Variants in SLC25A16 observed in about 807,000 individuals in gnomAD.
SLC25A16 encodes the protein solute carrier family 25 member 16.
SLC25A16 carries 39 observed loss-of-function variants against 41.5 expected under a neutral mutation model. The ratio of observed to expected loss-of-function variants is 0.94; its 90% confidence interval spans 0.73 to 1.23. SLC25A16 has a LOEUF of 1.23. SLC25A16 is among the 50% of genes most tolerant of loss of function. SLC25A16 has a pLI of 0.00. For missense variants in SLC25A16, 421 were observed against 426.9 expected, an observed-to-expected ratio of 0.99 and a Z score of 0.12; for synonymous variants, 146 against 147.8, an observed-to-expected ratio of 0.99 and a Z score of 0.09.
At chr10:68,525,510 G>A (rs1284050558) in intron 1 of SLC25A16, among the ~76,000 whole-genome samples, 3 of 152,136 alleles carry the variant, frequency 2.0e-5, no homozygotes, top group Non-Finnish European at 4.4e-5. Context: ...CTGGAGGGTA[G>A]TGGTGTGATC....
At chr10:68,505,777 G>A (rs1427877924) in intron 3 of SLC25A16, among the ~76,000 whole-genome samples, 4 of 152,174 alleles carry the variant, frequency 2.6e-5, no homozygotes, top group African/African-American at 9.7e-5. Flanking sequence ...GCTCAAGCCT[G>A]TAATCCCAGC....
intron 6 of SLC25A16, among the ~76,000 whole-genome samples, chr10:68,490,204 A>G (rs1224821026): frequency 6.6e-6 from 1 of 152,036 alleles, no homozygotes; most frequent in Non-Finnish European, 1.5e-5. Context: ...TCAAGGCTGC[A>G]GTGAGCCACA....
rs186497686 is a variant in SLC25A16, at chr10:68,521,519, C to T, written c.131-4676G>A. On this transcript the variant is annotated intron_variant, in intron 1 of 8. Coordinates refer to ENST00000609923, the MANE Select transcript of SLC25A16 (RefSeq NM_152707.4). ...ACCCAGCCTGGGTGACAAAGCAAGACTCCATCTCAATAAATAAAAAATAAA... is the reference window on the plus strand; with the variant it reads ...ACCCAGCCTGGGTGACAAAGCAAGATTCCATCTCAATAAATAAAAAATAAA... Among the ~76,000 whole-genome samples, 12 of 151,412 alleles carry T rather than the reference C, an allele frequency of 7.9e-5. No individual in the cohort carries two copies. In the East Asian group the frequency reaches 2.3e-3, roughly 30 times the overall value.
chr10:68,516,404 A>T (rs2053162128), intron 2 of SLC25A16, among the ~76,000 whole-genome samples: 1 of 152,160 alleles, frequency 6.6e-6, no homozygotes, highest in African/African-American at 2.4e-5. Flanking sequence ...GGAAGGTAAA[A>T]AAAAAACACC....
intron 6 of SLC25A16, among the ~76,000 whole-genome samples, chr10:68,492,795 T>C (rs2052681605): frequency 1.3e-5 from 2 of 152,216 alleles, no homozygotes; most frequent in Non-Finnish European, 2.9e-5. Context: ...ATTTGCCATG[T>C]CTTCATTATT....
chr10:68,503,743 C>T, intron 3 of SLC25A16, 48 bp from the exon 4 acceptor site: 1 of 1,099,230 alleles, frequency 9.1e-7, no homozygotes, highest in Non-Finnish European at 1.4e-6. Flanking sequence ...TTAAATGCTG[C>T]CCATTTCACT....
intron 3 of SLC25A16, among the ~76,000 whole-genome samples, 183 bp downstream of exon 3, chr10:68,506,402 C>T (rs962692591): frequency 5.3e-5 from 8 of 151,516 alleles, no homozygotes; most frequent in African/African-American, 7.3e-5. Context: ...CTTTCAAAAT[C>T]GTGCCACTGT....
chr10:68,506,539 C>T lies in SLC25A16; in HGVS notation c.357+46G>A, dbSNP rs773387918. 4 of 1,388,024 alleles carry T rather than the reference C, an allele frequency of 2.9e-6. No individual in the cohort carries two copies. In the African/African-American group the frequency reaches 4.4e-5, roughly 15 times the overall value. 86.0% of individuals were successfully genotyped at this position (1,388,024 alleles called of 1,614,324 possible). On this transcript the variant is annotated intron_variant, in intron 3 of 8. Transcript: ENST00000609923. ...CAAAGCAAATGCCTGGTCAAGCATG[C>T]ATGATATTCAAGAACGCAAAAGAGA...
intron 4 of SLC25A16, among the ~76,000 whole-genome samples, chr10:68,500,701 C>G (rs1456312311): frequency 6.6e-6 from 1 of 151,390 alleles, no homozygotes; most frequent in East Asian, 2.0e-4. Context: ...GAGGCCAAGG[C>G]AGGTAGATCA....
Position 68,516,781 on chromosome 10 carries a change from G to C in SLC25A16, c.193C>G (p.Gln65Glu), listed in dbSNP as rs1482244062. The change falls in exon 2 of 9, where the codon CAA (glutamine) becomes GAA (glutamate). Residue 65 changes from glutamine to glutamate, a missense_variant. By Grantham distance (29) the Gln-to-Glu change is conservative (BLOSUM62 2). Coordinates refer to ENST00000609923, the MANE Select transcript of SLC25A16 (RefSeq NM_152707.4). ...APLDRVKVLL[Q>E]AHNHHYKHLG... is the part of the protein sequence containing the mutation. Reference sequence around the variant, plus strand: ...TGCTTGTAATGGTGATTGTGAGCTTGTAATAAAACCTTTACTCGATCCAAT... The same window carrying C: ...TGCTTGTAATGGTGATTGTGAGCTTCTAATAAAACCTTTACTCGATCCAAT... The C allele has an allele frequency of 2.5e-6, 4 of 1,611,560 alleles. No homozygotes were observed. In the Admixed American group the frequency reaches 6.7e-5, roughly 27 times the overall value.
At chr10:68,512,702 G>A (rs1378241542) in intron 2 of SLC25A16, among the ~76,000 whole-genome samples, 1 of 149,392 alleles carries the variant, frequency 6.7e-6, no homozygotes, top group Non-Finnish European at 1.5e-5. Flanking sequence ...GAAGATAGTT[G>A]CAATTTTTCT....
chr10:68,483,422 T>C lies in SLC25A16; in HGVS notation c.*10A>G, dbSNP rs150740752. On this transcript the variant is annotated 3_prime_UTR_variant, in exon 9 of 9. Coordinates refer to ENST00000609923, the MANE Select transcript of SLC25A16 (RefSeq NM_152707.4). ...AGAATGTATTAAGAAAAACCAACCA[T>C]AATTTTTTTTTAGTTGAGGTGAAAA... 4.4e-5 allele frequency: 68 copies of C among 1,553,836 alleles called. No homozygotes were observed. In the African/African-American group the frequency reaches 7.5e-4, roughly 17 times the overall value.
rs1170505024 is a variant in SLC25A16, at chr10:68,488,511, G to A, written c.729C>T (p.Asn243=). The A allele has an allele frequency of 3.2e-6, 5 of 1,578,200 alleles. No individual in the cohort carries two copies. The highest frequency in any genetic ancestry group is 4.3e-6 in the Non-Finnish European group (5 of 1,170,582). ...CTCCAGCAACACCACCACAAAGTAA[G>A]TTTACATGAGTTTTCAAAACTAAGA... is the stretch of plus-strand genomic sequence containing the variant. ...PNVLVLKTHV[N]LLCGGVAGAI... The change falls in exon 7 of 9, where the codon AAC becomes AAT. Residue 243 remains asparagine (N), a synonymous_variant. Coordinates refer to ENST00000609923, the MANE Select transcript of SLC25A16 (RefSeq NM_152707.4).
chr10:68,514,194 C>T (rs1204624166), intron 2 of SLC25A16, among the ~76,000 whole-genome samples: 1 of 151,886 alleles, frequency 6.6e-6, no homozygotes, highest in Non-Finnish European at 1.5e-5. Context: ...GACTTTGTCT[C>T]AAAAAATAGT....
intron 2 of SLC25A16, among the ~76,000 whole-genome samples, chr10:68,510,138 G>A (rs1021556848): frequency 6.6e-6 from 1 of 152,048 alleles, no homozygotes; most frequent in Non-Finnish European, 1.5e-5. Flanking sequence ...TTGATGCCTT[G>A]GAAGTAATGT....
chr10:68,508,792 T>A (rs1375887991), intron 2 of SLC25A16, among the ~76,000 whole-genome samples: 2 of 152,098 alleles, frequency 1.3e-5, no homozygotes, highest in Non-Finnish European at 2.9e-5. Context: ...TTTAATTTGA[T>A]CCAAAAGTGT....
chr10:68,502,376 T>TCTTGGATGATTTTTTTA (rs2052863978), intron 4 of SLC25A16, among the ~76,000 whole-genome samples: 2 of 151,920 alleles, frequency 1.3e-5, no homozygotes, highest in Admixed American at 1.3e-4. Flanking sequence ...TGATTTTTTT[T>TCTTGGATGATTTTTTTA]AAAAAATCAT....
chr10:68,510,452 G>C (rs1369281879), intron 2 of SLC25A16, among the ~76,000 whole-genome samples: 1 of 152,118 alleles, frequency 6.6e-6, no homozygotes, highest in Non-Finnish European at 1.5e-5. Flanking sequence ...TGAGGCAGGA[G>C]AATTGCTTTA....
intron 2 of SLC25A16, among the ~76,000 whole-genome samples, chr10:68,512,626 G>A (rs572087193): frequency 0.034 from 2,316 of 68,754 alleles, 173 homozygotes; most frequent in Middle Eastern, 0.081. Flanking sequence ...GCAACAGAGC[G>A]AGACTCCGTC....
Sources: allele counts gnomAD v4.1 joint callset (sites outside exome capture counted in the v4.1 genomes callset), GRCh38; gene constraint gnomAD v4.1.1; transcripts MANE v1.5; gene names NCBI Gene and HGNC (gene_info 2026-07-23, HGNC 2026-07-21).